The following SLC35F4 variants were observed in gnomAD, a reference collection of about 807,000 sequenced individuals.
The protein encoded by SLC35F4 is solute carrier family 35 member F4.
SLC35F4 carries 24 observed loss-of-function variants against 44.2 expected under a neutral mutation model. The ratio of observed to expected loss-of-function variants is 0.54; its 90% CI spans 0.39 to 0.76. The LOEUF (loss-of-function observed/expected upper bound fraction) is 0.76, where lower values mean the gene tolerates loss of function less well. Among genes scored for constraint, SLC35F4 ranks in the 30% least tolerant of loss-of-function variants. The pLI, the probability that SLC35F4 is intolerant of heterozygous loss-of-function variation, is 0.00. For synonymous variants in SLC35F4, 238 were observed against 223.6 expected, an observed-to-expected ratio of 1.06 and a Z score of -0.57; for missense variants, 562 against 586.1, an observed-to-expected ratio of 0.96 and a Z score of 0.42.
At chr14:57,718,339 C>A (rs1474751640) in intron 1 of SLC35F4, among the ~76,000 whole-genome samples, 1 of 113,766 alleles carries the variant, frequency 8.8e-6, no homozygotes, top group Non-Finnish European at 2.1e-5. Flanking sequence ...ATACTGATTT[C>A]CTTTCTTTTG....
At chr14:57,736,311 A>T (rs1481055813) in intron 1 of SLC35F4, among the ~76,000 whole-genome samples, 2 of 152,202 alleles carry the variant, frequency 1.3e-5, no homozygotes, top group Non-Finnish European at 2.9e-5. Context: ...TTTGAGGAAG[A>T]AAAGGGTTTT....
At chr14:57,741,813 C>A (rs1175460852) in intron 1 of SLC35F4, among the ~76,000 whole-genome samples, 1 of 152,158 alleles carries the variant, frequency 6.6e-6, no homozygotes, top group Non-Finnish European at 1.5e-5. Context: ...ATGTTAAGGG[C>A]AGCCAGAGAG....
chr14:57,847,423 A>G (rs1886133906), intron 1 of SLC35F4, among the ~76,000 whole-genome samples: 1 of 152,216 alleles, frequency 6.6e-6, no homozygotes, highest in Non-Finnish European at 1.5e-5. Flanking sequence ...GGAAACACAC[A>G]CAAAAGTAAT....
chr14:57,645,212 A>T (rs1426680352), intron 1 of SLC35F4, among the ~76,000 whole-genome samples: 1 of 152,214 alleles, frequency 6.6e-6, no homozygotes, highest in Non-Finnish European at 1.5e-5. Flanking sequence ...TACCTTGGGC[A>T]GTATGGCCAT....
rs193216545 is a variant in SLC35F4 at position 57,957,716 on chromosome 14, G to A, written n.282+24197C>T. Among the ~76,000 whole-genome samples the A allele has an allele frequency of 5.3e-5, 8 of 152,216 alleles. No individual in the cohort carries two copies. In the East Asian group the frequency reaches 1.2e-3, roughly 22 times the overall value. ...AGCAAAGGGTAGTGCAAGAAGCTCCGGCTCTAGGGTCAGTTAGATGTGGCT... is the reference window on the plus strand; with the variant it reads ...AGCAAAGGGTAGTGCAAGAAGCTCCAGCTCTAGGGTCAGTTAGATGTGGCT... On this transcript the variant is annotated intron_variant and non_coding_transcript_variant, in intron 1 of 1. Coordinates refer to the SLC35F4 transcript ENST00000556568.
chr14:57,700,428 G>A (rs1201838751), intron 1 of SLC35F4, among the ~76,000 whole-genome samples: 1 of 152,106 alleles, frequency 6.6e-6, no homozygotes, highest in Non-Finnish European at 1.5e-5. Flanking sequence ...GGACATTACT[G>A]TACACTACTG....
intron 1 of SLC35F4, among the ~76,000 whole-genome samples, chr14:57,610,445 T>C (rs934749048): frequency 6.6e-6 from 1 of 152,280 alleles, no homozygotes; most frequent in African/African-American, 2.4e-5. Context: ...TGAAGGCAAC[T>C]GTACCATCTG....
chr14:57,691,630 AACATT>A (rs1164631312), intron 1 of SLC35F4, among the ~76,000 whole-genome samples: 3 of 152,226 alleles, frequency 2.0e-5, no homozygotes, highest in African/African-American at 7.2e-5. Context: ...TTATGTATAT[AACATT>A]ACATTTCAAA....
intron 1 of SLC35F4, among the ~76,000 whole-genome samples, chr14:57,887,641 T>G (rs1415810193): frequency 6.6e-6 from 1 of 152,146 alleles, no homozygotes; most frequent in Non-Finnish European, 1.5e-5. Flanking sequence ...GCTGGAATTT[T>G]GGGTCCCTTT....
At chr14:57,589,730 G>C (rs4901790) in intron 2 of SLC35F4, among the ~76,000 whole-genome samples, 47,730 of 152,070 alleles carry the variant, frequency 0.31, 7,601 homozygotes, top group Middle Eastern at 0.37. Flanking sequence ...TCTGAGTCCC[G>C]ATCCAGTCCA....
intron 3 of SLC35F4, among the ~76,000 whole-genome samples, chr14:57,585,576 T>C (rs2069648278): frequency 6.6e-6 from 1 of 152,124 alleles, no homozygotes; most frequent in Admixed American, 6.5e-5. Context: ...ATGACATGAT[T>C]ATCTATTAAG....
At chr14:57,752,384 A>G (rs910502832) in intron 1 of SLC35F4, among the ~76,000 whole-genome samples, 1 of 152,088 alleles carries the variant, frequency 6.6e-6, no homozygotes, top group Admixed American at 6.6e-5. Flanking sequence ...TGATTGGAAG[A>G]AAGTAACTTG....
intron 1 of SLC35F4, among the ~76,000 whole-genome samples, chr14:57,659,854 A>T (rs1484197632): frequency 6.6e-6 from 1 of 152,208 alleles, no homozygotes; most frequent in Non-Finnish European, 1.5e-5. Flanking sequence ...ATCATTTTTA[A>T]AGATTACTTT....
intron 1 of SLC35F4, among the ~76,000 whole-genome samples, chr14:57,850,586 G>A (rs532644886): frequency 6.6e-6 from 1 of 152,224 alleles, no homozygotes; most frequent in African/African-American, 2.4e-5. Flanking sequence ...CTGATTCATA[G>A]CTTTTCTTAC....
intron 1 of SLC35F4, among the ~76,000 whole-genome samples, chr14:57,853,972 T>A (rs1886837231): frequency 6.6e-6 from 1 of 152,224 alleles, no homozygotes. Context: ...TCCACATCTT[T>A]CCATTTTACA....
chr14:57,978,393 C>G (rs1881280363), intron 1 of SLC35F4, among the ~76,000 whole-genome samples: 1 of 152,158 alleles, frequency 6.6e-6, no homozygotes, highest in Non-Finnish European at 1.5e-5. Flanking sequence ...CCAGCCCCAC[C>G]ACCCAAATGC....
intron 1 of SLC35F4, among the ~76,000 whole-genome samples, chr14:57,823,664 C>A (rs1360696043): frequency 6.6e-6 from 1 of 152,118 alleles, no homozygotes; most frequent in Admixed American, 6.5e-5. Flanking sequence ...GAGTCTTGGG[C>A]AACTTGCAAT....
At chr14:57,926,146 C>T (rs2141062047) in intron 1 of SLC35F4, among the ~76,000 whole-genome samples, 1 of 152,276 alleles carries the variant, frequency 6.6e-6, no homozygotes, top group Admixed American at 6.5e-5. Context: ...ATGGCTATCC[C>T]ACATCAGACA....
At chr14:57,881,498 A>T (rs1369646937) in intron 1 of SLC35F4, among the ~76,000 whole-genome samples, 2 of 152,208 alleles carry the variant, frequency 1.3e-5, no homozygotes, top group Non-Finnish European at 2.9e-5. Flanking sequence ...TAAATGATTA[A>T]GATAATCAAC....
Sources: allele counts gnomAD v4.1 joint callset (sites outside exome capture counted in the v4.1 genomes callset), GRCh38; gene constraint gnomAD v4.1.1; transcripts MANE v1.5; gene names NCBI Gene and HGNC (gene_info 2026-07-23, HGNC 2026-07-21).